The following CTCFL variants were observed in gnomAD, a reference collection of about 807,000 sequenced individuals.
CTCFL encodes the protein CCCTC-binding factor like, also known as transcriptional repressor CTCFL.
Under a neutral mutation model 67.4 loss-of-function variants are expected in CTCFL, and 36 were observed. That is an observed-to-expected ratio of 0.53 (90% confidence interval 0.41 to 0.71). The LOEUF is 0.71. Among genes scored for constraint, CTCFL ranks in the 30% least tolerant of loss-of-function variants. CTCFL has a pLI of 0.00. For missense variants in CTCFL, 786 were observed against 835.2 expected (o/e 0.94, Z 0.73); for synonymous variants, 324 against 302.3 (o/e 1.07, Z -0.75).
At chr20:57,519,786 C>T (rs531339585) in intron 3 of CTCFL, among the ~76,000 whole-genome samples, 1 of 152,160 alleles carries the variant, frequency 6.6e-6, no homozygotes, top group Non-Finnish European at 1.5e-5. Flanking sequence ...TAAAGATAAC[C>T]CGCCCCATCT....
At chr20:57,518,575 A>C (rs1268121207) in intron 5 of CTCFL, 183 bp downstream of exon 5, 8 of 1,468,170 alleles carry the variant, frequency 5.4e-6, no homozygotes, top group Non-Finnish European at 7.3e-6. Context: ...TCAAAGAAAC[A>C]AAGAAATCCA....
Position 57,519,394 on chromosome 20 carries a change from G to GT in CTCFL, c.755-18dup. The GT allele has an allele frequency of 1.2e-6, 2 of 1,606,412 alleles. No individual in the cohort carries two copies. The highest frequency in any genetic ancestry group is 8.5e-7 in the Non-Finnish European group (1 of 1,174,270). ...CTTTTGCTCCTATAGGCAGGAAATA[G>GT]TTTATGTATTTGTTAGAGGTTCAAA... On this transcript the variant is annotated splice_polypyrimidine_tract_variant and intron_variant, in intron 3 of 10. Transcript: ENST00000243914.
intron 9 of CTCFL, among the ~76,000 whole-genome samples, chr20:57,508,227 T>C (rs1298702368): frequency 1.3e-5 from 2 of 152,174 alleles, no homozygotes; most frequent in Non-Finnish European, 2.9e-5. Flanking sequence ...ACCAATAACA[T>C]TATTCTAGGG....
intron 8 of CTCFL, among the ~76,000 whole-genome samples, chr20:57,511,987 T>C (rs1272817031): frequency 6.6e-6 from 1 of 152,190 alleles, no homozygotes; most frequent in Non-Finnish European, 1.5e-5. Context: ...GAAAATGACA[T>C]TCACTGAGAA....
At chr20:57,508,578 G>A (rs750556671) in intron 9 of CTCFL, 28 bp downstream of exon 9, 1 of 1,606,668 alleles carries the variant, frequency 6.2e-7, no homozygotes, top group South Asian at 1.1e-5. Context: ...TTTCCATGGG[G>A]GATTTACTGT....
chr20:57,523,112 T>G lies in CTCFL; in HGVS notation c.710A>C (p.Asp237Ala), dbSNP rs1186792975. Residue 237 changes from aspartate (D) to alanine (A), a missense_variant, in exon 3 of 11, where the codon GAT (aspartate) becomes GCT (alanine). Coordinates refer to ENST00000243914, the MANE Select transcript of CTCFL (RefSeq NM_001386993.1). ...QEDQPTAGQADAEKAKSTKNQ... is the reference protein window; with the variant it reads ...QEDQPTAGQAAAEKAKSTKNQ... ...TTTTGTAGATTTGGCCTTTTCAGCA[T>G]CTGCTTGACCAGCTGTAGGTTGATC... The G allele has an allele frequency of 2.5e-6, 4 of 1,613,980 alleles. No individual in the cohort carries two copies. Among genetic ancestry groups the G allele is most frequent in the Non-Finnish European group, 3.4e-6 (4 of 1,179,992 alleles).
chr20:57,508,481 G>C (rs1305096412), intron 9 of CTCFL, 125 bp downstream of exon 9: 4 of 868,604 alleles, frequency 4.6e-6, no homozygotes, highest in Non-Finnish European at 7.1e-6. Context: ...CCTAAGGCAT[G>C]ACAGATGCTC....
chr20:57,514,513 G>C, intron 7 of CTCFL, 79 bp downstream of exon 7: 1 of 1,541,148 alleles, frequency 6.5e-7, no homozygotes, highest in Admixed American at 1.8e-5. Context: ...ATCAGGGCCA[G>C]TACTTTGCAG....
At chr20:57,516,703 G>A (rs959511786) in intron 5 of CTCFL, among the ~76,000 whole-genome samples, 11 of 152,208 alleles carry the variant, frequency 7.2e-5, no homozygotes, top group Admixed American at 6.5e-4. Flanking sequence ...TTGGTGCCAT[G>A]TGACAGCAGG....
intron 4 of CTCFL, 32 bp downstream of exon 4, chr20:57,519,175 T>C: frequency 6.2e-7 from 1 of 1,607,836 alleles, no homozygotes; most frequent in Non-Finnish European, 8.5e-7. Flanking sequence ...ACACACATCA[T>C]TCCAGAGAAA....
At position 57,515,832 on chromosome 20, in the gene CTCFL, T is replaced by G. The variant is rs1485997607; in HGVS notation, c.1062A>C (p.Ala354=). The G allele has an allele frequency of 6.2e-7, 1 of 1,607,782 alleles. No homozygotes were observed. Among genetic ancestry groups the G allele is most frequent in the Non-Finnish European group, 8.5e-7 (1 of 1,177,788 alleles). The part of the protein sequence containing the change: ...CSMCKYASVE[A]SKLKRHVRSH... Reference sequence around the variant, plus strand: ...ATCGGACATGGCGCTTCAATTTACTTGCCTAATAAATACATAAATGATGTT... The same window carrying G: ...ATCGGACATGGCGCTTCAATTTACTGGCCTAATAAATACATAAATGATGTT... Residue 354 remains alanine, a splice_region_variant and synonymous_variant, in exon 6 of 11, where the codon GCA becomes GCC. Coordinates refer to ENST00000243914, the MANE Select transcript of CTCFL (RefSeq NM_001386993.1).
intron 3 of CTCFL, among the ~76,000 whole-genome samples, chr20:57,521,802 G>T (rs937102549): frequency 2.0e-5 from 3 of 152,186 alleles, no homozygotes; most frequent in African/African-American, 7.2e-5. Context: ...ATGATGCTAA[G>T]CTCAAGAATC....
In CTCFL at chr20:57,498,388, C is replaced by A; in HGVS notation, c.*162G>T. ...GAACTTAATTGTTTCAAAGAAAATG[C>A]TAAAAATTTCTAACTTGCTTTAGGA... On this transcript the variant is annotated 3_prime_UTR_variant, in exon 11 of 11. Transcript: ENST00000243914. 6 of 1,407,138 alleles carry A rather than the reference C, an allele frequency of 4.3e-6. No homozygotes were observed. The highest frequency in any genetic ancestry group is 5.6e-6 in the Non-Finnish European group (6 of 1,076,262). The allele number at this position is 1,407,138 out of a possible 1,614,324, so 87.2% of individuals were successfully genotyped here.
At chr20:57,511,865 T>C (rs1257715081) in intron 8 of CTCFL, among the ~76,000 whole-genome samples, 1 of 152,196 alleles carries the variant, frequency 6.6e-6, no homozygotes, top group East Asian at 1.9e-4. Flanking sequence ...AGTGCTGGGA[T>C]TGCAGGTGTG....
chr20:57,508,468 T>C (rs773744440), intron 9 of CTCFL, 138 bp downstream of exon 9: 30 of 761,680 alleles, frequency 3.9e-5, no homozygotes, highest in Non-Finnish European at 5.4e-5. Flanking sequence ...TAATAACCAC[T>C]TTCCTAAGGC....
chr20:57,513,834 A>G (rs1268380261), intron 7 of CTCFL: 3 of 1,288,768 alleles, frequency 2.3e-6, no homozygotes, highest in Non-Finnish European at 3.0e-6. Flanking sequence ...ATATTTTGGA[A>G]AGAGAAATAA....
chr20:57,499,073 C>CGGGGGGG (rs11475885), intron 10 of CTCFL, among the ~76,000 whole-genome samples: 22 of 65,430 alleles, frequency 3.4e-4, no homozygotes, highest in East Asian at 2.0e-3. Flanking sequence ...CTGAAGGTGA[C>CGGGGGGG]GGGGGGGGGG....
rs773073927 is a variant in CTCFL, at chr20:57,512,727, A to G, written c.1356T>C (p.Ala452=). ...DLRVHMRNLH[A]YSAAELKCRY... is the part of the protein sequence containing the mutation. Reference sequence around the variant, plus strand: ...GGCATTTCAGCTCTGCAGCGCTGTAAGCATGCAAGTTGCGCATATGCACAC... The same window carrying G: ...GGCATTTCAGCTCTGCAGCGCTGTAGGCATGCAAGTTGCGCATATGCACAC... The change falls in exon 8 of 11, where the codon GCT becomes GCC. Residue 452 remains alanine, a synonymous_variant. Transcript: ENST00000243914. 1.2e-6 allele frequency: 2 copies of G among 1,614,094 alleles called. No homozygotes were observed. The highest frequency in any genetic ancestry group is 2.7e-5 in the African/African-American group (2 of 74,942).
intron 3 of CTCFL, among the ~76,000 whole-genome samples, chr20:57,520,488 T>C (rs1174944059): frequency 6.6e-6 from 1 of 152,152 alleles, no homozygotes; most frequent in Non-Finnish European, 1.5e-5. Flanking sequence ...TTCAGGACAC[T>C]GGAAACTAAC....
Sources: gnomAD v4.1 joint callset for allele counts (sites outside exome capture counted in the v4.1 genomes callset) on GRCh38, gnomAD v4.1.1 for gene constraint, MANE v1.5 for transcripts, NCBI Gene and HGNC (gene_info 2026-07-23, HGNC 2026-07-21) for gene names.